The following PARVB variants were observed in gnomAD, a reference collection of about 807,000 sequenced individuals.
PARVB encodes beta-parvin.
In PARVB, 46 loss-of-function variants were observed where a neutral mutation model predicts 47.0. That is an observed-to-expected ratio of 0.98 (90% CI 0.77 to 1.25). PARVB has a LOEUF of 1.25. PARVB is among the 50% of genes most tolerant of loss of function. The pLI is 0.00. For synonymous variants in PARVB, 196 were observed against 196.3 expected (o/e 1.00, Z 0.01); for missense variants, 473 against 471.6 (o/e 1.00, Z -0.03).
At position 44,038,439 on chromosome 22, in the gene PARVB, G is replaced by C. The variant is rs1438127843; in HGVS notation, c.112+13988G>C. ...TTCTGTAAAGCCTACTTAACTCATAGGGTCATTAGAGAATTGAGTGAGTTA... is the reference window on the plus strand; with the variant it reads ...TTCTGTAAAGCCTACTTAACTCATACGGTCATTAGAGAATTGAGTGAGTTA... On this transcript the variant is annotated intron_variant, in intron 1 of 12. Coordinates refer to ENST00000338758, the MANE Select transcript of PARVB (RefSeq NM_013327.5). Among the ~76,000 whole-genome samples the C allele has an allele frequency of 4.6e-5, 7 of 152,094 alleles. No individual in the cohort carries two copies. In the East Asian group the frequency reaches 1.3e-3, roughly 29 times the overall value.
At chr22:44,108,201 A>G (rs916614604) in intron 3 of PARVB, 1 of 152,118 alleles carries the variant, frequency 6.6e-6, no homozygotes, top group African/African-American at 2.4e-5. Flanking sequence ...TCTAACCTTT[A>G]TAGTAAGTTG....
intron 1 of PARVB, among the ~76,000 whole-genome samples, chr22:44,070,454 G>A (rs940924699): frequency 6.6e-6 from 1 of 152,194 alleles, no homozygotes; most frequent in Non-Finnish European, 1.5e-5. Context: ...CTCTGCCTGG[G>A]TATCCTTAAG....
At chr22:44,032,424 C>T (rs1427467454) in intron 1 of PARVB, among the ~76,000 whole-genome samples, 1 of 152,004 alleles carries the variant, frequency 6.6e-6, no homozygotes, top group African/African-American at 2.4e-5. Flanking sequence ...TTTGGGGGCC[C>T]ATTTCTTCAT....
chr22:44,016,317 C>T (rs980814743), intron 2 of PARVB, among the ~76,000 whole-genome samples: 22 of 151,870 alleles, frequency 1.4e-4, no homozygotes, highest in Non-Finnish European at 2.4e-4. Context: ...AGGATGGTCT[C>T]GATCTCCTGA....
chr22:44,025,815 G>A (rs2050718667), intron 1 of PARVB, among the ~76,000 whole-genome samples: 1 of 152,170 alleles, frequency 6.6e-6, no homozygotes, highest in East Asian at 1.9e-4. Flanking sequence ...GATTATAGAC[G>A]CAAGTGACGC....
Position 44,171,026 on chromosome 22 carries a change from G to A in PARVB, c.*2348G>A, listed in dbSNP as rs139101. 3,775 of 152,382 alleles carry A rather than the reference G, an allele frequency of 0.025. 85 individuals are homozygous for A. Among genetic ancestry groups the A allele is most frequent in the Non-Finnish European group, 0.041 (2,759 of 68,068 alleles). The allele number at this position is 152,382 out of a possible 1,614,324, so 9.4% of individuals were successfully genotyped here. ...AGCATTACGGTGTCTCTTGCGGGAT[G>A]CAGTGACATTCAAAAGCCACACTGA... On this transcript the variant is annotated 3_prime_UTR_variant, in exon 13 of 13. Transcript: ENST00000338758.
chr22:44,027,919 A>G (rs1191060131), intron 1 of PARVB, among the ~76,000 whole-genome samples: 1 of 129,664 alleles, frequency 7.7e-6, no homozygotes, highest in Non-Finnish European at 1.5e-5. Context: ...AAAACCATAT[A>G]TATATATATA....
chr22:44,066,834 TCTC>T (rs2051546226), intron 1 of PARVB, among the ~76,000 whole-genome samples: 1 of 64,578 alleles, frequency 1.5e-5, no homozygotes, highest in African/African-American at 6.2e-5. Context: ...TCCTCCTCCA[TCTC>T]CTCCTCTCTT....
Position 44,157,988 on chromosome 22 carries a change from G to C in PARVB, c.850G>C (p.Asp284His), listed in dbSNP as rs1159870494. 4.3e-6 allele frequency: 7 copies of C among 1,612,742 alleles called. No homozygotes were observed. Among genetic ancestry groups the C allele is most frequent in the Admixed American group, 3.3e-5 (2 of 59,994 alleles). ...EVTELETQFA[D>H]GVYLVLLMGL... ...CACAAGTCTTTCTCTGCAGTTTGCA[G>C]ATGGCGTGTACCTGGTTCTGCTCAT... is the stretch of plus-strand genomic sequence containing the variant. Residue 284 changes from aspartate (D) to histidine (H), a missense_variant, in exon 11 of 13, where the codon GAT becomes CAT. By Grantham distance (81) the Asp-to-His change is moderately conservative (BLOSUM62 -1). Coordinates refer to ENST00000338758, the MANE Select transcript of PARVB (RefSeq NM_013327.5).
At chr22:44,018,375 C>G (rs141776539) in intron 2 of PARVB, among the ~76,000 whole-genome samples, 2,041 of 152,226 alleles carry the variant, frequency 0.013, 46 homozygotes, top group African/African-American at 0.047. Context: ...GCACTCCAGC[C>G]TGGGCGACAA....
chr22:44,068,756 C>G lies in PARVB; in HGVS notation c.113-25172C>G, dbSNP rs771592905. Among the ~76,000 whole-genome samples the G allele has an allele frequency of 6.6e-6, 1 of 152,194 alleles. No individual in the cohort carries two copies. Among genetic ancestry groups the G allele is most frequent in the Non-Finnish European group, 1.5e-5 (1 of 68,042 alleles). ...CAATCACTTCTCCTGTCTCAGGGCC[C>G]AGAGAGCAAAGGCAGTGGGAGGCCA... is the stretch of plus-strand genomic sequence containing the variant. On this transcript the variant is annotated intron_variant, in intron 1 of 12. Coordinates refer to ENST00000338758, the MANE Select transcript of PARVB (RefSeq NM_013327.5). The surrounding 1 kb of genome is among the most constrained non-coding windows in gnomAD (Gnocchi z 4.1).
chr22:44,015,342 A>G (rs1337614467), intron 2 of PARVB, among the ~76,000 whole-genome samples: 1 of 150,682 alleles, frequency 6.6e-6, no homozygotes, highest in Admixed American at 6.6e-5. Flanking sequence ...AGCTGCAAAC[A>G]TAGATAAACA....
intron 2 of PARVB, among the ~76,000 whole-genome samples, chr22:44,010,138 C>T (rs541342853): frequency 6.6e-6 from 1 of 152,110 alleles, no homozygotes; most frequent in Non-Finnish European, 1.5e-5. Context: ...AAATGTAATT[C>T]CCATTAGAAT....
chr22:44,136,494 C>T lies in PARVB; in HGVS notation c.668C>T (p.Ser223Leu), dbSNP rs780688321. ...REGLLHSSHISEELTTTTEMM... is the reference protein window; with the variant it reads ...REGLLHSSHILEELTTTTEMM... ...GGCCTGCTGCATTCCAGCCACATCT[C>T]GGAGGAGCTGACCACAACTACAGAG... Residue 223 changes from serine to leucine, a missense_variant, in exon 7 of 13, where the codon TCG becomes TTG. Transcript: ENST00000338758. 5.6e-6 allele frequency: 9 copies of T among 1,613,982 alleles called. No individual in the cohort carries two copies. In the African/African-American group the frequency reaches 6.7e-5, roughly 12 times the overall value.
chr22:44,045,954 G>A (rs1473361219), intron 1 of PARVB, among the ~76,000 whole-genome samples: 1 of 152,192 alleles, frequency 6.6e-6, no homozygotes, highest in Non-Finnish European at 1.5e-5. Flanking sequence ...TCTGCAACGA[G>A]CCACCATTGG....
intron 2 of PARVB, among the ~76,000 whole-genome samples, chr22:44,001,592 C>G (rs1489095551): frequency 6.6e-6 from 1 of 152,184 alleles, no homozygotes; most frequent in Non-Finnish European, 1.5e-5. Context: ...TTGTAAAAGT[C>G]AGTACATCGG....
chr22:44,090,864 T>C (rs1357233741), intron 1 of PARVB, among the ~76,000 whole-genome samples: 1 of 152,242 alleles, frequency 6.6e-6, no homozygotes, highest in Non-Finnish European at 1.5e-5. Context: ...TCCAGGGCTA[T>C]CATATTCCCA....
chr22:44,007,282 T>TG (rs1046238061), intron 2 of PARVB, among the ~76,000 whole-genome samples: 15 of 125,068 alleles, frequency 1.2e-4, no homozygotes, highest in East Asian at 2.2e-4. Context: ...GAAGGTGGGC[T>TG]GGGGGGAGTG....
chr22:44,165,343 T>C (rs2054143455), intron 12 of PARVB, among the ~76,000 whole-genome samples: 1 of 152,314 alleles, frequency 6.6e-6, no homozygotes, highest in East Asian at 1.9e-4. Flanking sequence ...CTTTGTCCCC[T>C]GCATGCCGGT....
Sources: allele counts gnomAD v4.1 joint callset (sites outside exome capture counted in the v4.1 genomes callset), GRCh38; gene constraint gnomAD v4.1.1; non-coding constraint Gnocchi (gnomAD v3.1); transcripts MANE v1.5; gene names NCBI Gene and HGNC (gene_info 2026-07-23, HGNC 2026-07-21).